Variants in CRY1 observed in about 807,000 individuals in gnomAD.
The protein encoded by CRY1 is cryptochrome circadian regulator 1.
CRY1 carries 45 observed loss-of-function variants against 76.0 expected under a neutral mutation model. The ratio of observed to expected loss-of-function variants is 0.59; its 90% CI spans 0.47 to 0.76. CRY1 has a LOEUF of 0.76. Among genes scored for constraint, CRY1 ranks in the 30% least tolerant of loss-of-function variants. CRY1 has a pLI of 0.00. For synonymous variants in CRY1, 248 were observed against 244.0 expected (o/e 1.02, Z -0.15); for missense variants, 587 against 716.4 (o/e 0.82, Z 2.06).
At chr12:107,001,044 C>A (rs1234359550) in intron 5 of CRY1, among the ~76,000 whole-genome samples, 1 of 151,768 alleles carries the variant, frequency 6.6e-6, no homozygotes, top group Non-Finnish European at 1.5e-5. Context: ...GTAGAAAGAA[C>A]AGAAGAGGTA....
At chr12:107,010,480 A>G (rs1952431540) in intron 2 of CRY1, among the ~76,000 whole-genome samples, 1 of 152,220 alleles carries the variant, frequency 6.6e-6, no homozygotes, top group African/African-American at 2.4e-5. Context: ...GCAACCCTGC[A>G]CTAAGCAATT....
chr12:107,018,391 C>A (rs956951315), intron 2 of CRY1, among the ~76,000 whole-genome samples: 28 of 152,200 alleles, frequency 1.8e-4, no homozygotes, highest in Middle Eastern at 3.4e-3. Context: ...AGTTTAAGAC[C>A]AGTCTGGCCA....
chr12:107,084,046 A>G (rs1953363169), intron 1 of CRY1, among the ~76,000 whole-genome samples: 1 of 152,178 alleles, frequency 6.6e-6, no homozygotes, highest in African/African-American at 2.4e-5. Context: ...CACCAATAAT[A>G]GAGAGTCAAG....
intron 1 of CRY1, among the ~76,000 whole-genome samples, chr12:107,089,167 C>T (rs1259343924): frequency 6.6e-6 from 1 of 152,058 alleles, no homozygotes; most frequent in African/African-American, 2.4e-5. Flanking sequence ...TTGGGTTGTT[C>T]CCACCTTTTG....
At chr12:107,081,843 T>C (rs1381786805) in intron 1 of CRY1, among the ~76,000 whole-genome samples, 1 of 152,024 alleles carries the variant, frequency 6.6e-6, no homozygotes, top group African/African-American at 2.4e-5. Context: ...GAGGGATTAG[T>C]GCCTGATATA....
At chr12:107,091,103 G>A (rs376081067) in intron 1 of CRY1, among the ~76,000 whole-genome samples, 1 of 151,496 alleles carries the variant, frequency 6.6e-6, no homozygotes, top group Non-Finnish European at 1.5e-5. Flanking sequence ...GCAGTGGCAC[G>A]ATCTCAGCTC....
intron 1 of CRY1, among the ~76,000 whole-genome samples, chr12:107,086,173 C>A (rs1253696067): frequency 6.6e-6 from 1 of 152,020 alleles, no homozygotes; most frequent in African/African-American, 2.4e-5. Context: ...AACAACAAAG[C>A]GTTCAAAAGG....
chr12:107,038,581 C>T (rs549273278), intron 1 of CRY1, among the ~76,000 whole-genome samples: 7 of 152,060 alleles, frequency 4.6e-5, no homozygotes, highest in Admixed American at 1.3e-4. Context: ...CGAAGACTAA[C>T]GGAATATAAA....
At chr12:107,083,880 T>G (rs1183595770) in intron 1 of CRY1, among the ~76,000 whole-genome samples, 1 of 152,020 alleles carries the variant, frequency 6.6e-6, no homozygotes, top group Non-Finnish European at 1.5e-5. Flanking sequence ...GGTATTCAAA[T>G]AGAAAGAAAG....
chr12:107,028,773 C>T (rs945022678), intron 1 of CRY1, among the ~76,000 whole-genome samples: 47 of 152,052 alleles, frequency 3.1e-4, no homozygotes, highest in Non-Finnish European at 5.7e-4. Context: ...GTGTTACTGG[C>T]GACTCAAACA....
intron 2 of CRY1, among the ~76,000 whole-genome samples, chr12:107,014,397 C>A (rs1051258590): frequency 2.6e-5 from 4 of 152,040 alleles, no homozygotes; most frequent in Non-Finnish European, 5.9e-5. Context: ...CATCTGCTAG[C>A]CCAGGGAAAA....
At chr12:107,013,894 T>C (rs1428673856) in intron 2 of CRY1, among the ~76,000 whole-genome samples, 3 of 152,260 alleles carry the variant, frequency 2.0e-5, no homozygotes, top group Admixed American at 2.0e-4. Context: ...AAAATTAATT[T>C]CACCTGTTTG....
chr12:107,030,937 G>T (rs1041166130), intron 1 of CRY1, among the ~76,000 whole-genome samples: 1 of 152,066 alleles, frequency 6.6e-6, no homozygotes, highest in Non-Finnish European at 1.5e-5. Flanking sequence ...TGGGGGTTGG[G>T]GGTACCTGGG....
At chr12:107,029,307 C>G (rs191816539) in intron 1 of CRY1, among the ~76,000 whole-genome samples, 2 of 152,234 alleles carry the variant, frequency 1.3e-5, no homozygotes, top group Admixed American at 6.5e-5. Flanking sequence ...ATTGTGACAA[C>G]TGGCCGGACA....
At chr12:107,047,453 T>C (rs1226781148) in intron 1 of CRY1, among the ~76,000 whole-genome samples, 1 of 152,156 alleles carries the variant, frequency 6.6e-6, no homozygotes, top group African/African-American at 2.4e-5. Context: ...AATCTCATCT[T>C]GAATTGTAGT....
intron 1 of CRY1, among the ~76,000 whole-genome samples, chr12:107,056,345 C>A (rs1952981769): frequency 6.6e-6 from 1 of 152,192 alleles, no homozygotes; most frequent in Non-Finnish European, 1.5e-5. Context: ...AGGCTGTAAG[C>A]ACTGGCCAGC....
chr12:107,074,052 C>T (rs985442982), intron 1 of CRY1, among the ~76,000 whole-genome samples: 1 of 152,112 alleles, frequency 6.6e-6, no homozygotes, highest in African/African-American at 2.4e-5. Flanking sequence ...ATCAGTGACT[C>T]CTCCTTTTCC....
intron 1 of CRY1, among the ~76,000 whole-genome samples, chr12:107,069,876 A>G (rs894675590): frequency 3.3e-5 from 5 of 151,636 alleles, no homozygotes; most frequent in East Asian, 3.9e-4. Flanking sequence ...TCCAAAACTA[A>G]TATGTATAAG....
intron 3 of CRY1, among the ~76,000 whole-genome samples, chr12:107,004,172 C>T (rs1482404211): frequency 6.6e-6 from 1 of 152,112 alleles, no homozygotes; most frequent in Non-Finnish European, 1.5e-5. Flanking sequence ...GTGTTGCCCC[C>T]TCCTTGCTAT....
Sources: gnomAD v4.1 joint callset for allele counts (sites outside exome capture counted in the v4.1 genomes callset) on GRCh38, gnomAD v4.1.1 for gene constraint, MANE v1.5 for transcripts, NCBI Gene and HGNC (gene_info 2026-07-23, HGNC 2026-07-21) for gene names.